SUN1: variants seen among roughly 807,000 people sequenced by gnomAD.
SUN1 encodes the protein SUN domain-containing protein 1.
A neutral mutation model predicts 103.2 loss-of-function variants in SUN1; 61 were observed. The observed-to-expected ratio is 0.59, with a 90% CI of 0.48 to 0.73. The LOEUF is 0.73. Among genes scored for constraint, SUN1 ranks in the 30% least tolerant of loss-of-function variants. The pLI, the probability that SUN1 is intolerant of heterozygous loss-of-function variation, is 0.00. For missense variants in SUN1, 1,052 were observed against 1,034.6 expected (o/e 1.02, Z -0.23); for synonymous variants, 490 against 425.7 (o/e 1.15, Z -1.86).
At chr7:841,149 T>G (rs1350109557) in intron 2 of SUN1, among the ~76,000 whole-genome samples, 2 of 151,602 alleles carry the variant, frequency 1.3e-5, no homozygotes, top group African/African-American at 4.9e-5. Flanking sequence ...GTCAGGCTGG[T>G]CTTGAACTCC....
chr7:816,324 T>A (rs1331752141), upstream of SUN1: 2 of 164,722 alleles, frequency 1.2e-5, no homozygotes, highest in African/African-American at 7.9e-5. Flanking sequence ...TGCGGAGCCC[T>A]CCCTCAGATG....
chr7:816,640 C>G, exon 1 of SUN1: 1 of 335,136 alleles, frequency 3.0e-6, no homozygotes, highest in Admixed American at 3.9e-5. Context: ...GCCTGGGCGG[C>G]GCAGACGAGG....
At chr7:860,067 C>G (rs1330290096) in intron 13 of SUN1, 61 bp from the exon 14 acceptor site, 2 of 1,586,400 alleles carry the variant, frequency 1.3e-6, no homozygotes, top group Non-Finnish European at 1.7e-6. Context: ...GATAATGGAC[C>G]CGAACAGTGG....
intron 15 of SUN1, among the ~76,000 whole-genome samples, chr7:865,271 C>A (rs1835541892): frequency 6.6e-6 from 1 of 151,962 alleles, no homozygotes; most frequent in Non-Finnish European, 1.5e-5. Context: ...CCATGCCCGG[C>A]TAATTTGTGT....
At chr7:860,101 A>T in intron 13 of SUN1, 27 bp from the exon 14 acceptor site, 1 of 1,610,420 alleles carries the variant, frequency 6.2e-7, no homozygotes, top group Non-Finnish European at 8.5e-7. Flanking sequence ...AAAATAGGAC[A>T]TTTGTGTCCG....
intron 1 of SUN1, among the ~76,000 whole-genome samples, chr7:825,098 A>C (rs528203185): frequency 2.0e-5 from 3 of 151,626 alleles, no homozygotes; most frequent in African/African-American, 4.9e-5. Flanking sequence ...TTGCTCGGTC[A>C]CCCAGGCTGG....
At chr7:851,613 T>C (rs908633411) in intron 6 of SUN1, 131 bp downstream of exon 6, 1 of 815,428 alleles carries the variant, frequency 1.2e-6, no homozygotes, top group East Asian at 2.7e-5. Context: ...GTAACGTGTC[T>C]CGTTCTTTAT....
At chr7:870,354 C>G (rs890358889) in intron 17 of SUN1, among the ~76,000 whole-genome samples, 6 of 152,162 alleles carry the variant, frequency 3.9e-5, no homozygotes, top group Non-Finnish European at 8.8e-5. Flanking sequence ...CTTTGGGAGG[C>G]TGAGGTGGGT....
chr7:848,687 C>T, intron 5 of SUN1: 1 of 1,139,210 alleles, frequency 8.8e-7, no homozygotes, highest in South Asian at 1.5e-5. Context: ...TGTGACTTTC[C>T]TCGCCAGGCG....
chr7:831,664 T>G (rs1562536853), upstream of SUN1, among the ~76,000 whole-genome samples: 1 of 152,352 alleles, frequency 6.6e-6, no homozygotes, highest in East Asian at 1.9e-4. Flanking sequence ...TTTATTTCTG[T>G]GATACTTTAT....
Position 874,581 on chromosome 7 carries a change from C to G in SUN1, c.*1250C>G, listed in dbSNP as rs989749034. 6.6e-6 allele frequency: 1 copy of G among 152,472 alleles called. No homozygotes were observed. Among genetic ancestry groups the G allele is most frequent in the Non-Finnish European group, 1.5e-5 (1 of 68,030 alleles). 9.4% of individuals were successfully genotyped at this position (152,472 alleles called of 1,614,324 possible). A position where few individuals can be genotyped will look rare whatever the true frequency, so the allele number is the denominator to read the frequency against. ...TCCTCAAATACACTGATGTATGAAA[C>G]TATTCATACATCAAGCAGCATTTTT... On this transcript the variant is annotated 3_prime_UTR_variant, in exon 19 of 19. Coordinates refer to ENST00000401592, the MANE Select transcript of SUN1 (RefSeq NM_001130965.3).
Position 859,992 on chromosome 7 carries a change from G to A in SUN1, c.1525-136G>A, listed in dbSNP as rs1830955848. 6 of 1,185,238 alleles carry A rather than the reference G, an allele frequency of 5.1e-6. No homozygotes were observed. In the South Asian group the frequency reaches 9.5e-5, roughly 19 times the overall value. 73.4% of individuals were successfully genotyped at this position (1,185,238 alleles called of 1,614,324 possible). On this transcript the variant is annotated intron_variant, in intron 13 of 18. Coordinates refer to ENST00000401592, the MANE Select transcript of SUN1 (RefSeq NM_001130965.3). The stretch of plus-strand genomic sequence containing the variant: ...GAGGGGTTATTAAATTTAATATGAA[G>A]GAAAACACTGTCACAATGACATTCT...
chr7:847,662 G>A (rs111856971), intron 5 of SUN1, among the ~76,000 whole-genome samples: 10 of 8,760 alleles, frequency 1.1e-3, no homozygotes, highest in African/African-American at 4.8e-3. Flanking sequence ...GGGTTACCCC[G>A]CAGCGCCGTG....
rs752861647 is a variant in SUN1 at position 860,143 on chromosome 7, A to G, written c.1540A>G (p.Arg514Gly). ...GTTTTACTAGGTGGACGTGCAAGTC[A>G]GAGAAATGGTGAAACTCCTGTTTTC... ...AVQERVDVQV[R>G]EMVKLLFSED... is the part of the protein sequence containing the mutation. The change falls in exon 14 of 19, where the codon AGA becomes GGA. Residue 514 changes from arginine to glycine, a missense_variant. Coordinates refer to ENST00000401592, the MANE Select transcript of SUN1 (RefSeq NM_001130965.3). 7 of 1,614,150 alleles carry G rather than the reference A, an allele frequency of 4.3e-6. No homozygotes were observed. The highest frequency in any genetic ancestry group is 5.9e-6 in the Non-Finnish European group (7 of 1,179,984).
chr7:866,631 C>T (rs12700243), intron 16 of SUN1, among the ~76,000 whole-genome samples: 15 of 69,716 alleles, frequency 2.2e-4, no homozygotes, highest in South Asian at 5.6e-4. Context: ...ACCATCTCCC[C>T]GGGCCTTCGC....
chr7:841,025 C>A (rs565561249), intron 2 of SUN1, among the ~76,000 whole-genome samples: 2 of 152,028 alleles, frequency 1.3e-5, no homozygotes, highest in South Asian at 4.1e-4. Flanking sequence ...CCTCTGCCTT[C>A]CAGGTTCAAG....
chr7:852,525 CA>C (rs1823204149), intron 7 of SUN1, 83 bp from the exon 8 acceptor site: 5 of 1,571,484 alleles, frequency 3.2e-6, no homozygotes, highest in Non-Finnish European at 4.4e-6. Flanking sequence ...GGATTTTGCA[CA>C]AAATTATCTA....
chr7:823,230 G>A (rs762542261), intron 1 of SUN1, among the ~76,000 whole-genome samples: 1 of 152,224 alleles, frequency 6.6e-6, no homozygotes, highest in East Asian at 1.9e-4. Flanking sequence ...CCGTCACAGA[G>A]TTCAAGGGCC....
intron 1 of SUN1, among the ~76,000 whole-genome samples, chr7:818,609 A>G (rs1783059176): frequency 6.6e-6 from 1 of 152,172 alleles, no homozygotes; most frequent in African/African-American, 2.4e-5. Flanking sequence ...CTTTTTGAGG[A>G]ACTGCCAAAC....
Sources: allele counts gnomAD v4.1 joint callset (sites outside exome capture counted in the v4.1 genomes callset), GRCh38; gene constraint gnomAD v4.1.1; transcripts MANE v1.5; gene names NCBI Gene and HGNC (gene_info 2026-07-23, HGNC 2026-07-21).